The following DLG2 variants were observed in gnomAD, a reference collection of about 807,000 sequenced individuals.
The protein encoded by DLG2 is discs large MAGUK scaffold protein 2.
A neutral mutation model predicts 132.5 loss-of-function variants in DLG2; 45 were observed. That is an observed-to-expected ratio of 0.34 (90% CI 0.27 to 0.44). The LOEUF (loss-of-function observed/expected upper bound fraction) is 0.44, where lower values mean the gene tolerates loss of function less well. DLG2 is among the 20% of genes least tolerant of loss of function. The pLI, the probability that DLG2 is intolerant of heterozygous loss-of-function variation, is 1.00. For synonymous variants in DLG2, 424 were observed against 419.6 expected, an observed-to-expected ratio of 1.01 and a Z score of -0.13; for missense variants, 1,045 against 1,196.9, an observed-to-expected ratio of 0.87 and a Z score of 1.87.
chr11:84,219,731 G>A (rs774433852), intron 8 of DLG2, among the ~76,000 whole-genome samples: 3 of 152,130 alleles, frequency 2.0e-5, no homozygotes, highest in Non-Finnish European at 2.9e-5. Context: ...ACATATGTGC[G>A]CCTGCACAGA....
intron 4 of DLG2, among the ~76,000 whole-genome samples, chr11:85,197,203 T>C (rs536668461): frequency 3.9e-5 from 6 of 152,176 alleles, no homozygotes; most frequent in Admixed American, 3.3e-4. Context: ...CCCTTTATAG[T>C]TGACATATTA....
chr11:83,541,256 C>G (rs1805396788), intron 20 of DLG2, among the ~76,000 whole-genome samples: 1 of 152,188 alleles, frequency 6.6e-6, no homozygotes, highest in South Asian at 2.1e-4. Flanking sequence ...AGATATCACA[C>G]AGCCAGGACC....
intron 8 of DLG2, among the ~76,000 whole-genome samples, chr11:84,194,744 T>G (rs747899352): frequency 1.3e-5 from 2 of 152,202 alleles, no homozygotes; most frequent in Non-Finnish European, 2.9e-5. Flanking sequence ...CTAGTGTATC[T>G]GGTGCCTACT....
At chr11:83,582,716 A>G (rs891879742) in intron 19 of DLG2, among the ~76,000 whole-genome samples, 2 of 152,260 alleles carry the variant, frequency 1.3e-5, no homozygotes, top group Admixed American at 1.3e-4. Flanking sequence ...TAATAATGAT[A>G]GTTCTTCAAG....
chr11:85,519,205 G>T (rs1468006812), intron 3 of DLG2, among the ~76,000 whole-genome samples: 1 of 152,142 alleles, frequency 6.6e-6, no homozygotes, highest in Non-Finnish European at 1.5e-5. Flanking sequence ...TCCCAGAATG[G>T]TAGATCCACT....
chr11:83,658,660 T>C (rs1183762754), intron 18 of DLG2, among the ~76,000 whole-genome samples: 1 of 152,260 alleles, frequency 6.6e-6, no homozygotes, highest in Non-Finnish European at 1.5e-5. Context: ...TCTGCTCTAG[T>C]ACTTGAAAAC....
chr11:84,823,581 CCACACACACACACACA>C (rs60714512), intron 6 of DLG2, among the ~76,000 whole-genome samples: 31 of 134,492 alleles, frequency 2.3e-4, no homozygotes, highest in Admixed American at 6.9e-4. Flanking sequence ...GGTTGTATAT[CCACACACACACACACA>C]CACACACACA....
At chr11:84,517,300 C>T (rs951493252) in intron 7 of DLG2, among the ~76,000 whole-genome samples, 10 of 151,474 alleles carry the variant, frequency 6.6e-5, no homozygotes, top group African/African-American at 1.4e-4. Context: ...AATAACTCAA[C>T]GGAAAGAAAA....
At chr11:83,885,996 G>T (rs1017413704) in intron 15 of DLG2, among the ~76,000 whole-genome samples, 1 of 152,210 alleles carries the variant, frequency 6.6e-6, no homozygotes, top group African/African-American at 2.4e-5. Flanking sequence ...GAAAAATCAT[G>T]CCAAATTGTA....
chr11:83,953,838 T>A (rs2086118107), intron 14 of DLG2, among the ~76,000 whole-genome samples: 1 of 152,208 alleles, frequency 6.6e-6, no homozygotes. Context: ...GGTTAACTTG[T>A]AAGAGGATAG....
chr11:84,855,057 C>T (rs186466167), intron 6 of DLG2, among the ~76,000 whole-genome samples: 36 of 152,068 alleles, frequency 2.4e-4, no homozygotes, highest in Non-Finnish European at 2.6e-4. Flanking sequence ...CTTGTAGTTC[C>T]ATGGTTGTGT....
intron 6 of DLG2, among the ~76,000 whole-genome samples, chr11:84,646,343 T>G (rs1430434173): frequency 6.6e-6 from 1 of 152,152 alleles, no homozygotes; most frequent in Non-Finnish European, 1.5e-5. Context: ...TTCGAAGAAT[T>G]TGAATCAGGT....
At chr11:83,483,763 A>G (rs1034629236) in intron 22 of DLG2, among the ~76,000 whole-genome samples, 3 of 152,208 alleles carry the variant, frequency 2.0e-5, no homozygotes, top group African/African-American at 4.8e-5. Context: ...TGTTCCTAAC[A>G]TTCCAAAAAA....
chr11:83,657,162 C>T (rs371656459), intron 18 of DLG2, among the ~76,000 whole-genome samples: 2 of 152,186 alleles, frequency 1.3e-5, no homozygotes, highest in Non-Finnish European at 2.9e-5. Flanking sequence ...GCTGCTACAA[C>T]TCCAATGAAA....
chr11:83,958,008 A>G (rs1241441377), intron 14 of DLG2, among the ~76,000 whole-genome samples: 1 of 152,214 alleles, frequency 6.6e-6, no homozygotes, highest in Non-Finnish European at 1.5e-5. Flanking sequence ...ACTGAACTTA[A>G]TGCATTTATT....
chr11:83,905,035 C>T (rs1008558897), intron 15 of DLG2, among the ~76,000 whole-genome samples: 4 of 152,076 alleles, frequency 2.6e-5, no homozygotes, highest in Non-Finnish European at 5.9e-5. Context: ...CTTGCTTAAA[C>T]CAGCTTAATC....
chr11:85,122,185 T>C (rs192827138), intron 5 of DLG2, among the ~76,000 whole-genome samples: 10 of 152,254 alleles, frequency 6.6e-5, no homozygotes, highest in African/African-American at 2.2e-4. Flanking sequence ...AATAGGCACA[T>C]GGAAAAGCTA....
intron 7 of DLG2, among the ~76,000 whole-genome samples, chr11:84,281,858 G>A (rs2097857997): frequency 1.3e-5 from 2 of 152,062 alleles, no homozygotes; most frequent in Non-Finnish European, 2.9e-5. Flanking sequence ...TAAAAAGACT[G>A]ACCATATCAA....
At chr11:83,791,822 C>A (rs1316715498) in intron 17 of DLG2, among the ~76,000 whole-genome samples, 1 of 152,188 alleles carries the variant, frequency 6.6e-6, no homozygotes, top group African/African-American at 2.4e-5. Flanking sequence ...CTGCTGCGCT[C>A]GCCTTTCCTC....
Sources: allele counts gnomAD v4.1 joint callset (sites outside exome capture counted in the v4.1 genomes callset), GRCh38; gene constraint gnomAD v4.1.1; transcripts MANE v1.5; gene names NCBI Gene and HGNC (gene_info 2026-07-23, HGNC 2026-07-21).